The following PLEKHA8 variants were observed in gnomAD, a reference collection of about 807,000 sequenced individuals.
PLEKHA8 encodes pleckstrin homology domain containing A8.
A neutral mutation model predicts 68.2 loss-of-function variants in PLEKHA8; 36 were observed. The ratio of observed to expected loss-of-function variants is 0.53; its 90% CI spans 0.40 to 0.70. The LOEUF is 0.70. Among genes scored for constraint, PLEKHA8 ranks in the 30% least tolerant of loss-of-function variants. The pLI, the probability that PLEKHA8 is intolerant of heterozygous loss-of-function variation, is 0.00. For synonymous variants in PLEKHA8, 211 were observed against 216.1 expected (o/e 0.98, Z 0.20); for missense variants, 505 against 615.4 (o/e 0.82, Z 1.90).
rs566478720 is a variant in PLEKHA8, at chr7:30,066,528, T to C, written c.1300+3786T>C. Among the ~76,000 whole-genome samples, 4 of 152,302 alleles carry C rather than the reference T, an allele frequency of 2.6e-5. 1 individual carries two copies. The highest frequency in any genetic ancestry group is 9.6e-5 in the African/African-American group (4 of 41,564). On this transcript the variant is annotated intron_variant, in intron 12 of 13. Coordinates refer to ENST00000449726, the MANE Select transcript of PLEKHA8 (RefSeq NM_001197026.2). ...GAGCTGCTGTGTTCCCTTAGTGTCC[T>C]AACATTCTTTAGAGGTCATTTTCAG...
intron 2 of PLEKHA8, among the ~76,000 whole-genome samples, 192 bp downstream of exon 2, chr7:30,045,393 T>C (rs1359969629): frequency 1.3e-5 from 2 of 152,194 alleles, no homozygotes; most frequent in African/African-American, 4.8e-5. Flanking sequence ...GGAGATTGGC[T>C]AAGAGGTGGT....
At chr7:30,028,902 C>G (rs977300006) in intron 1 of PLEKHA8, 100 bp downstream of exon 1, 3 of 1,184,068 alleles carry the variant, frequency 2.5e-6, no homozygotes, top group Non-Finnish European at 3.2e-6. Context: ...GGGGTCACGG[C>G]CCTTTCCTGA....
chr7:30,034,280 A>T lies in PLEKHA8; in HGVS notation c.40+5478A>T, dbSNP rs867159344. Among the ~76,000 whole-genome samples, 4 of 152,066 alleles carry T rather than the reference A, an allele frequency of 2.6e-5. No homozygotes were observed. In the South Asian group the frequency reaches 8.3e-4, roughly 32 times the overall value. The stretch of plus-strand genomic sequence containing the variant: ...TGCCTCGGCCTCCCAAAGTGCTAGG[A>T]TTACAGGTGTGAGCCACTGTGCCCG... On this transcript the variant is annotated intron_variant, in intron 1 of 13. Transcript: ENST00000449726.
chr7:30,056,065 C>T (rs920292994), intron 9 of PLEKHA8, among the ~76,000 whole-genome samples: 2 of 150,704 alleles, frequency 1.3e-5, no homozygotes, highest in Non-Finnish European at 3.0e-5. Flanking sequence ...GCCTCAGCCT[C>T]CCGAGTAGCT....
At chr7:30,045,317 A>T in intron 2 of PLEKHA8, 116 bp downstream of exon 2, 2 of 713,150 alleles carry the variant, frequency 2.8e-6, no homozygotes, top group Non-Finnish European at 2.3e-6. Context: ...AGACCAAGGG[A>T]CATAGTGTTA....
chr7:30,065,850 G>A (rs937107139), intron 12 of PLEKHA8, among the ~76,000 whole-genome samples: 3 of 152,152 alleles, frequency 2.0e-5, no homozygotes, highest in African/African-American at 7.2e-5. Flanking sequence ...AATCTCCATC[G>A]GTGGTTCTCA....
chr7:30,028,902 C>A, intron 1 of PLEKHA8, 100 bp downstream of exon 1: 2 of 1,184,064 alleles, frequency 1.7e-6, no homozygotes, highest in Non-Finnish European at 2.1e-6. Context: ...GGGGTCACGG[C>A]CCTTTCCTGA....
rs781033566 is a variant in PLEKHA8 at position 30,054,739 on chromosome 7, T to C, written c.827T>C (p.Met276Thr). ...VQGEIRKEDG[M>T]ENLKNHDNNL... ...GGTGAAATAAGGAAGGAAGATGGAA[T>C]GGAAAACCTGAAAAATCATGACAAT... Residue 276 changes from methionine (M) to threonine (T), a missense_variant, in exon 8 of 14, where the codon ATG becomes ACG. Physicochemically the swap from Met to Thr is moderately conservative, Grantham distance 81. Coordinates refer to ENST00000449726, the MANE Select transcript of PLEKHA8 (RefSeq NM_001197026.2). The C allele has an allele frequency of 6.2e-7, 1 of 1,600,192 alleles. No individual in the cohort carries two copies. The highest frequency in any genetic ancestry group is 1.1e-5 in the South Asian group (1 of 89,398).
chr7:30,091,548 A>G (rs17158623), downstream of PLEKHA8, among the ~76,000 whole-genome samples: 2,888 of 152,284 alleles, frequency 0.019, 43 homozygotes, highest in East Asian at 0.04. Flanking sequence ...TGCTCATCCA[A>G]ACATTCCATT....
At chr7:30,030,767 G>C (rs1263938249) in intron 1 of PLEKHA8, among the ~76,000 whole-genome samples, 1 of 152,226 alleles carries the variant, frequency 6.6e-6, no homozygotes, top group African/African-American at 2.4e-5. Flanking sequence ...GAAAGAAGTG[G>C]TAATAGCCTA....
intron 13 of PLEKHA8, among the ~76,000 whole-genome samples, chr7:30,103,271 AT>A (rs1795922280): frequency 6.6e-6 from 1 of 151,424 alleles, no homozygotes; most frequent in African/African-American, 2.4e-5. Flanking sequence ...ATTTAAAAAA[AT>A]TAATAATGTA....
At chr7:30,048,368 A>G (rs947889384) in intron 4 of PLEKHA8, among the ~76,000 whole-genome samples, 1 of 152,210 alleles carries the variant, frequency 6.6e-6, no homozygotes, top group Non-Finnish European at 1.5e-5. Flanking sequence ...TATGGCTATT[A>G]AGATGCCAAC....
In PLEKHA8 at chr7:30,081,050, G is replaced by A; in HGVS notation, c.*2263G>A. The A allele has an allele frequency of 1.0e-6, 1 of 985,266 alleles. No individual in the cohort carries two copies. The highest frequency in any genetic ancestry group is 1.2e-6 in the Non-Finnish European group (1 of 829,902). 61.0% of individuals were successfully genotyped at this position (985,266 alleles called of 1,614,324 possible). A position where few individuals can be genotyped will look rare whatever the true frequency, so the allele number is the denominator to read the frequency against. On this transcript the variant is annotated 3_prime_UTR_variant, in exon 14 of 14. Coordinates refer to ENST00000449726, the MANE Select transcript of PLEKHA8 (RefSeq NM_001197026.2). The stretch of plus-strand genomic sequence containing the variant: ...ACCTCAGGTTTGCCACCGCAACTCT[G>A]AATACACACAAAAGGAAAGCTGCTC...
At chr7:30,069,314 CAGTG>C (rs1562528782) in intron 12 of PLEKHA8, among the ~76,000 whole-genome samples, 1 of 152,226 alleles carries the variant, frequency 6.6e-6, no homozygotes, top group African/African-American at 2.4e-5. Context: ...TTCCTCAGCC[CAGTG>C]AGTAATTCCG....
At chr7:30,056,313 T>TATATATATATATATATATATATAAATAAC (rs1792890465) in intron 9 of PLEKHA8, among the ~76,000 whole-genome samples, 1 of 18,490 alleles carries the variant, frequency 5.4e-5, no homozygotes, top group East Asian at 2.1e-3. Context: ...TCTCTCTCTC[T>TATATATATATATATATATATATAAATAAC]ATATATATAT....
chr7:30,067,202 T>C (rs1793908570), intron 12 of PLEKHA8, among the ~76,000 whole-genome samples: 1 of 152,206 alleles, frequency 6.6e-6, no homozygotes, highest in Admixed American at 6.5e-5. Context: ...TAGCTCTGCT[T>C]TTAAAAATAC....
chr7:30,050,371 A>G, intron 5 of PLEKHA8, 63 bp from the exon 6 acceptor site: 2 of 1,516,438 alleles, frequency 1.3e-6, no homozygotes, highest in African/African-American at 1.4e-5. Flanking sequence ...ATGTAATAAG[A>G]TCATAAATAT....
rs148597221 is a variant in PLEKHA8 at position 30,112,883 on chromosome 7, G to A, written c.1363-16383G>A. The stretch of plus-strand genomic sequence containing the variant: ...CCACTGCACTCCAGTTGGGGCAACA[G>A]AATGAAACTCTGTCTCTTTAAAAAA... On this transcript the variant is annotated intron_variant, in intron 13 of 13. Coordinates refer to the PLEKHA8 transcript ENST00000396257. 2.5e-3 allele frequency among the ~76,000 whole-genome samples: 373 copies of A among 150,966 alleles called. 2 individuals carry two copies. The highest frequency in any genetic ancestry group is 8.4e-3 in the African/African-American group (346 of 41,032).
At chr7:30,090,685 A>G in exon 13 of PLEKHA8, 3 of 657,172 alleles carry the variant, frequency 4.6e-6, no homozygotes, top group Non-Finnish European at 5.7e-6. Context: ...ACTTTTTTCA[A>G]AAACACAATT....
Sources: gnomAD v4.1 joint callset for allele counts (sites outside exome capture counted in the v4.1 genomes callset) on GRCh38, gnomAD v4.1.1 for gene constraint, MANE v1.5 for transcripts, NCBI Gene and HGNC (gene_info 2026-07-23, HGNC 2026-07-21) for gene names.